The following GSG1L2 variants were observed in gnomAD, a reference collection of about 807,000 sequenced individuals.
The protein encoded by GSG1L2 is GSG1 like 2.
In GSG1L2, 15 loss-of-function variants were observed where a neutral mutation model predicts 9.0. That is an observed-to-expected ratio of 1.67 (90% confidence interval 1.12 to 2.57). GSG1L2 has a LOEUF of 2.57. Ranked by LOEUF, GSG1L2 falls within the 30% of genes most tolerant of loss-of-function variation. The pLI is 0.00. For missense variants in GSG1L2, 286 were observed against 150.3 expected (o/e 1.90, Z -4.72); for synonymous variants, 127 against 57.9 (o/e 2.19, Z -5.41).
rs1160892450 is a variant in GSG1L2 at position 9,808,822 on chromosome 17, G to A, written c.511+8C>T. On this transcript the variant is annotated splice_region_variant and intron_variant, in intron 3 of 4. Coordinates refer to ENST00000399363, the MANE Select transcript of GSG1L2 (RefSeq NM_001310219.2). ...GCAGCCTGTTCCAAGGATGCTGTTGGAAAGTACCTGCCAGCACCATGAAGA... is the reference window on the plus strand; with the variant it reads ...GCAGCCTGTTCCAAGGATGCTGTTGAAAAGTACCTGCCAGCACCATGAAGA... 2 of 702,726 alleles carry A rather than the reference G, an allele frequency of 2.8e-6. No individual in the cohort carries two copies. Among genetic ancestry groups the A allele is most frequent in the Admixed American group, 2.0e-5 (1 of 49,984 alleles). The allele number at this position is 702,726 out of a possible 1,614,324, so 43.5% of individuals were successfully genotyped here.
intron 1 of GSG1L2, 51 bp from the exon 2 acceptor site, chr17:9,810,669 G>A: frequency 2.8e-6 from 2 of 702,490 alleles, no homozygotes; most frequent in Non-Finnish European, 5.2e-6. Flanking sequence ...TCACAACCAG[G>A]GGGCAAATGG....
intron 2 of GSG1L2, chr17:9,810,348 T>C (rs1157770460): frequency 1.7e-6 from 1 of 580,290 alleles, no homozygotes. Flanking sequence ...GTGCTGCCAA[T>C]CAGGGCTTCC....
chr17:9,814,125 A>T (rs1327490237), intron 1 of GSG1L2, among the ~76,000 whole-genome samples: 1 of 152,128 alleles, frequency 6.6e-6, no homozygotes, highest in East Asian at 1.9e-4. Flanking sequence ...TAGTAGAGAC[A>T]GGGTTTCACC....
chr17:9,804,167 A>G (rs2066508579), intron 4 of GSG1L2: 1 of 152,258 alleles, frequency 6.6e-6, no homozygotes, highest in African/African-American at 2.4e-5. Flanking sequence ...TAATTTATGG[A>G]GTGAGGGATG....
chr17:9,809,491 G>A (rs1015707258), intron 2 of GSG1L2: 7 of 157,244 alleles, frequency 4.5e-5, no homozygotes, highest in South Asian at 1.9e-4. Context: ...TGGCTGTGGC[G>A]GGCTGGGGTG....
intron 1 of GSG1L2, among the ~76,000 whole-genome samples, chr17:9,818,555 T>C (rs1433021914): frequency 7.0e-6 from 1 of 143,160 alleles, no homozygotes; most frequent in Admixed American, 7.2e-5. Context: ...AGGGTTTCAC[T>C]GGGTTGGCCA....
At chr17:9,812,886 G>A (rs1286072821) in intron 1 of GSG1L2, among the ~76,000 whole-genome samples, 1 of 152,102 alleles carries the variant, frequency 6.6e-6, no homozygotes, top group East Asian at 1.9e-4. Context: ...AACAGGCATG[G>A]GCCACCATAC....
intron 1 of GSG1L2, among the ~76,000 whole-genome samples, chr17:9,815,798 T>C (rs749887163): frequency 5.0e-4 from 76 of 152,198 alleles, no homozygotes; most frequent in Non-Finnish European, 9.8e-4. Context: ...GAGGTTGCTA[T>C]GGTTTGAATG....
intron 1 of GSG1L2, among the ~76,000 whole-genome samples, chr17:9,817,050 T>C (rs1272056265): frequency 3.3e-5 from 5 of 151,286 alleles, no homozygotes; most frequent in African/African-American, 4.9e-5. Flanking sequence ...CGTTTTAGGC[T>C]GAGAAGATGC....
chr17:9,809,180 A>T, intron 2 of GSG1L2, 198 bp from the exon 3 acceptor site: 37 of 504,672 alleles, frequency 7.3e-5, no homozygotes, highest in Non-Finnish European at 9.0e-5. Flanking sequence ...GGTTGTAGGG[A>T]TTGCCCGTAG....
chr17:9,808,924 G>T lies in GSG1L2; in HGVS notation c.417C>A (p.Ser139Arg), dbSNP rs1313609953. Residue 139 changes from serine to arginine, a missense_variant, in exon 3 of 5, where the codon AGC (serine) becomes AGA (arginine). Coordinates refer to ENST00000399363, the MANE Select transcript of GSG1L2 (RefSeq NM_001310219.2). ...TCACTCTGGAGCCCAGGAGGATGGC[G>T]CTTGTCAGTATCAGAACGATATCCA... ...EVLDIVLILT[S>R]AILLGSRVSC... The T allele has an allele frequency of 1.4e-6, 1 of 703,020 alleles. No homozygotes were observed. The highest frequency in any genetic ancestry group is 2.6e-6 in the Non-Finnish European group (1 of 385,018). 43.5% of individuals were successfully genotyped at this position (703,020 alleles called of 1,614,324 possible).
intron 1 of GSG1L2, among the ~76,000 whole-genome samples, chr17:9,816,910 C>CCG (rs754920510): frequency 3.2e-5 from 3 of 94,452 alleles, no homozygotes; most frequent in Non-Finnish European, 6.1e-5. Flanking sequence ...GTGTGTGTAT[C>CCG]TGTGTGTGTG....
chr17:9,807,074 C>T (rs560129055), intron 4 of GSG1L2, among the ~76,000 whole-genome samples: 12 of 152,250 alleles, frequency 7.9e-5, no homozygotes, highest in African/African-American at 1.7e-4. Context: ...ATAATATGGT[C>T]GAGTCAGTTA....
chr17:9,813,135 G>T (rs1003320830), intron 1 of GSG1L2, among the ~76,000 whole-genome samples: 2 of 152,178 alleles, frequency 1.3e-5, no homozygotes, highest in Non-Finnish European at 2.9e-5. Context: ...GATGATATGT[G>T]TGCAAGCATA....
intron 1 of GSG1L2, chr17:9,810,888 G>C: frequency 2.0e-6 from 1 of 491,252 alleles, no homozygotes. Context: ...CTTTTCCCTT[G>C]GTTCCTGTTC....
chr17:9,806,053 A>T (rs554716278), intron 4 of GSG1L2, among the ~76,000 whole-genome samples: 1 of 152,200 alleles, frequency 6.6e-6, no homozygotes, highest in African/African-American at 2.4e-5. Flanking sequence ...GATGTCAGAA[A>T]GCCAAAAACT....
chr17:9,808,755 G>A, intron 3 of GSG1L2, 75 bp downstream of exon 3: 5 of 672,332 alleles, frequency 7.4e-6, no homozygotes, highest in Non-Finnish European at 1.4e-5. Flanking sequence ...CTGTTCTTTG[G>A]TAATGAGCAT....
rs560494238 is a variant in GSG1L2, at chr17:9,812,818, C to A, written c.311-2200G>T. 3.2e-4 allele frequency among the ~76,000 whole-genome samples: 48 copies of A among 152,186 alleles called. 2 individuals carry two copies. In the South Asian group the frequency reaches 9.4e-3, roughly 30 times the overall value. On this transcript the variant is annotated intron_variant, in intron 1 of 4. Coordinates refer to ENST00000399363, the MANE Select transcript of GSG1L2 (RefSeq NM_001310219.2). ...TTATTTTTTGGTGGAGGTGGAGTCT[C>A]ACTATAACTCCTGGGCTCAAGCAAT...
chr17:9,803,289 G>A (rs2066504628), intron 4 of GSG1L2, among the ~76,000 whole-genome samples: 1 of 152,056 alleles, frequency 6.6e-6, no homozygotes, highest in African/African-American at 2.4e-5. Flanking sequence ...TTTTAGTAGA[G>A]ACAGGGCTTC....
Sources: gnomAD v4.1 joint callset for allele counts (sites outside exome capture counted in the v4.1 genomes callset) on GRCh38, gnomAD v4.1.1 for gene constraint, MANE v1.5 for transcripts, NCBI Gene and HGNC (gene_info 2026-07-23, HGNC 2026-07-21) for gene names.